MASTL: variants seen among roughly 807,000 people sequenced by gnomAD.
MASTL encodes the protein microtubule associated serine/threonine kinase like.
A neutral mutation model predicts 82.5 loss-of-function variants in MASTL; 54 were observed. The observed-to-expected ratio is 0.65, with a 90% CI of 0.53 to 0.82. MASTL has a LOEUF of 0.82. MASTL is among the 40% of genes least tolerant of loss of function. The pLI, the probability that MASTL is intolerant of heterozygous loss-of-function variation, is 0.00. For missense variants in MASTL, 950 were observed against 1,047.8 expected, an observed-to-expected ratio of 0.91 and a Z score of 1.29; for synonymous variants, 323 against 368.9, an observed-to-expected ratio of 0.88 and a Z score of 1.43.
rs2057695823 is a variant in MASTL at position 27,165,000 on chromosome 10, C to G, written c.554-64C>G. 4.8e-6 allele frequency: 5 copies of G among 1,042,906 alleles called. No individual in the cohort carries two copies. In the Admixed American group the frequency reaches 7.2e-5, roughly 15 times the overall value. 64.6% of individuals were successfully genotyped at this position (1,042,906 alleles called of 1,614,324 possible). ...GTTTTGTTGTCATATACATAACATT[C>G]ATTTTTAGTCAATGGGAGGTAAAGG... is the stretch of plus-strand genomic sequence containing the variant. On this transcript the variant is annotated intron_variant, in intron 4 of 11. Coordinates refer to ENST00000375940, the MANE Select transcript of MASTL (RefSeq NM_001172303.3).
rs748587397 is a variant in MASTL, at chr10:27,165,390, A to G, written c.662A>G (p.Asn221Ser). Reference protein sequence around the residue: ...VLSLISSLGFNTPIAEKNQDP... With the variant: ...VLSLISSLGFSTPIAEKNQDP... ...TTTTTATTTTTCTCTTTTTAATAGA[A>G]CACACCAATTGCAGAAAAAAATCAA... is the stretch of plus-strand genomic sequence containing the variant. Residue 221 changes from asparagine to serine, a missense_variant and splice_region_variant, in exon 6 of 12, where the codon AAC becomes AGC. By Grantham distance (46) the Asn-to-Ser change is conservative (BLOSUM62 1). Transcript: ENST00000375940. 2.5e-6 allele frequency: 4 copies of G among 1,613,916 alleles called. No homozygotes were observed. The highest frequency in any genetic ancestry group is 3.4e-6 in the Non-Finnish European group (4 of 1,180,012).
intron 11 of MASTL, among the ~76,000 whole-genome samples, chr10:27,184,366 A>G (rs1405109196): frequency 6.6e-6 from 1 of 152,104 alleles, no homozygotes; most frequent in Admixed American, 6.6e-5. Context: ...TAGCTTTTTC[A>G]AGGCACTTCA....
chr10:27,165,320 C>A, intron 5 of MASTL, 69 bp from the exon 6 acceptor site: 1 of 1,513,204 alleles, frequency 6.6e-7, no homozygotes, highest in Non-Finnish European at 9.2e-7. Context: ...GGTGGTATAA[C>A]AGTCTATGTA....
Position 27,159,471 on chromosome 10 carries a change from C to T in MASTL, c.325-148C>T. ...AAACTGTTATGGCAACATGAATAAA[C>T]CTAGTATTAATGTATTACGAGTAAT... On this transcript the variant is annotated intron_variant, in intron 2 of 11. Transcript: ENST00000375940. This position sits in a 1 kb window ranked among gnomAD's most constrained non-coding sequence, Gnocchi z 4.0. The T allele has an allele frequency of 1.6e-6, 1 of 611,664 alleles. No homozygotes were observed. 37.9% of individuals were successfully genotyped at this position (611,664 alleles called of 1,614,324 possible).
Position 27,155,608 on chromosome 10 carries a change from T to C in MASTL, c.182T>C (p.Val61Ala). The part of the protein sequence containing the change: ...LGQKGGKLYA[V>A]KVVKKADMIN... The stretch of plus-strand genomic sequence containing the variant: ...CAGAAAGGCGGCAAATTGTATGCAG[T>C]AAAGGTAGGAAGTCAACGAGTAGCA... Residue 61 changes from valine to alanine, a missense_variant, in exon 1 of 12, where the codon GTA becomes GCA. Physicochemically the swap from Val to Ala is moderately conservative, Grantham distance 64. Coordinates refer to ENST00000375940, the MANE Select transcript of MASTL (RefSeq NM_001172303.3). 1 of 1,614,114 alleles carries C rather than the reference T, an allele frequency of 6.2e-7. No homozygotes were observed. Among genetic ancestry groups the C allele is most frequent in the Non-Finnish European group, 8.5e-7 (1 of 1,179,998 alleles).
chr10:27,157,792 AG>A (rs2057442179), intron 1 of MASTL, among the ~76,000 whole-genome samples: 1 of 151,982 alleles, frequency 6.6e-6, no homozygotes, highest in Non-Finnish European at 1.5e-5. Context: ...TTCCAACTTA[AG>A]ATTTTTTTTT....
At chr10:27,173,314 T>C in intron 9 of MASTL, 55 bp downstream of exon 9, 11 of 1,609,184 alleles carry the variant, frequency 6.8e-6, no homozygotes, top group Non-Finnish European at 9.4e-6. Context: ...ACATTATCTT[T>C]CAAGGTTAAA....
rs566049019 is a variant in MASTL, at chr10:27,167,141, A to G, written c.851A>G (p.Lys284Arg). 1 of 1,614,112 alleles carries G rather than the reference A, an allele frequency of 6.2e-7. No individual in the cohort carries two copies. Among genetic ancestry groups the G allele is most frequent in the African/African-American group, 1.3e-5 (1 of 75,048 alleles). ...GCCTCCAACCCAGGAATGCCTGTGA[A>G]GTGTCTAACTTCTAATTTACTCCAG... ...TVASNPGMPV[K>R]CLTSNLLQSR... Residue 284 changes from lysine (K) to arginine (R), a missense_variant, in exon 7 of 12, where the codon AAG becomes AGG. Transcript: ENST00000375940.
chr10:27,174,319 C>T lies in MASTL; in HGVS notation c.2266+1060C>T, dbSNP rs1309399923. 2.0e-5 allele frequency among the ~76,000 whole-genome samples: 3 copies of T among 151,962 alleles called. No individual in the cohort carries two copies. The South Asian group carries it at 6.3e-4, about 32-fold the overall frequency. ...GCAGTGAGCCAAGATCGTGCCACTA[C>T]ACTCGAGCCTGGGCAACAGAGCAAG... is the stretch of plus-strand genomic sequence containing the variant. On this transcript the variant is annotated intron_variant, in intron 9 of 11. Coordinates refer to ENST00000375940, the MANE Select transcript of MASTL (RefSeq NM_001172303.3).
Position 27,184,554 on chromosome 10 carries a change from A to ATTTTTTTT in MASTL, c.2483-1808_2483-1801dup, listed in dbSNP as rs752147433. On this transcript the variant is annotated intron_variant, in intron 11 of 11. Transcript: ENST00000375940. ...AAAAACACTATCACATATAAGAAGG[A>ATTTTTTTT]TTTTTTTTTTTTTTTTTTTTTTTTG... Among the ~76,000 whole-genome samples, 195 of 84,850 alleles carry ATTTTTTTT rather than the reference A, an allele frequency of 2.3e-3. 18 individuals are homozygous for ATTTTTTTT. The highest frequency in any genetic ancestry group is 6.0e-3 in the African/African-American group (127 of 21,342). The allele number at this position is 84,850 out of a possible 152,430, so 55.7% of individuals were successfully genotyped here.
chr10:27,182,292 T>G (rs1302119955), intron 11 of MASTL, among the ~76,000 whole-genome samples: 1 of 151,524 alleles, frequency 6.6e-6, no homozygotes, highest in Non-Finnish European at 1.5e-5. Flanking sequence ...ACAGATAATC[T>G]GACTGCTAAA....
At chr10:27,184,781 G>T (rs1179053309) in intron 11 of MASTL, among the ~76,000 whole-genome samples, 1 of 151,694 alleles carries the variant, frequency 6.6e-6, no homozygotes, top group South Asian at 2.1e-4. Flanking sequence ...GGCTGGTCTC[G>T]AACTCCTGAC....
chr10:27,172,996 GACT>G, intron 8 of MASTL, 119 bp from the exon 9 acceptor site: 1 of 1,121,168 alleles, frequency 8.9e-7, no homozygotes, highest in Non-Finnish European at 1.3e-6. Context: ...TCAAAAATTT[GACT>G]ACATCCTTTA....
intron 8 of MASTL, 83 bp downstream of exon 8, chr10:27,171,166 C>A: frequency 1.7e-6 from 2 of 1,165,454 alleles, no homozygotes; most frequent in Admixed American, 1.8e-5. Context: ...CTAGACTATG[C>A]GGTATTAATC....
chr10:27,187,932 A>G lies in MASTL; in HGVS notation c.*1396A>G, dbSNP rs184517512. 3.6e-3 allele frequency among the ~76,000 whole-genome samples: 547 copies of G among 152,330 alleles called. 4 individuals are homozygous for G. The highest frequency in any genetic ancestry group is 0.023 in the South Asian group (113 of 4,830). On this transcript the variant is annotated 3_prime_UTR_variant, in exon 12 of 12. Coordinates refer to ENST00000375940, the MANE Select transcript of MASTL (RefSeq NM_001172303.3). ...ACAAAACATAATTTTCTTTTGCTTA[A>G]TAAATATAACTATCACAAGTACATT...
Position 27,187,480 on chromosome 10 carries a change from G to T in MASTL, c.*944G>T, listed in dbSNP as rs1054651354. Reference sequence around the variant, plus strand: ...TAAAATGGTACTGGAGGACGGGTGCGATGGCTCATGCCTGTAATCCCGGCA... The same window carrying T: ...TAAAATGGTACTGGAGGACGGGTGCTATGGCTCATGCCTGTAATCCCGGCA... On this transcript the variant is annotated 3_prime_UTR_variant, in exon 12 of 12. Coordinates refer to ENST00000375940, the MANE Select transcript of MASTL (RefSeq NM_001172303.3). 6.6e-6 allele frequency among the ~76,000 whole-genome samples: 1 copy of T among 152,080 alleles called. No individual in the cohort carries two copies. Among genetic ancestry groups the T allele is most frequent in the Non-Finnish European group, 1.5e-5 (1 of 68,004 alleles).
intron 4 of MASTL, among the ~76,000 whole-genome samples, chr10:27,164,809 T>G (rs1020060751): frequency 1.3e-5 from 2 of 151,928 alleles, no homozygotes; most frequent in African/African-American, 4.8e-5. Context: ...AGCTACTTTT[T>G]GTATTTTTAG....
At chr10:27,171,478 G>A (rs2057935222) in intron 8 of MASTL, among the ~76,000 whole-genome samples, 1 of 151,056 alleles carries the variant, frequency 6.6e-6, no homozygotes, top group Non-Finnish European at 1.5e-5. Flanking sequence ...TTTTGCCCAG[G>A]CTGGAGTGCA....
At chr10:27,163,178 A>C (rs2057630254) in intron 4 of MASTL, among the ~76,000 whole-genome samples, 2 of 152,118 alleles carry the variant, frequency 1.3e-5, no homozygotes, top group Non-Finnish European at 2.9e-5. Flanking sequence ...CGGCCTCCCA[A>C]AGTGCTAGGA....
Sources: allele counts gnomAD v4.1 joint callset (sites outside exome capture counted in the v4.1 genomes callset), GRCh38; gene constraint gnomAD v4.1.1; non-coding constraint Gnocchi (gnomAD v3.1); transcripts MANE v1.5; gene names NCBI Gene and HGNC (gene_info 2026-07-23, HGNC 2026-07-21).